The following TAF11 variants were observed in gnomAD, a reference collection of about 807,000 sequenced individuals.
The protein encoded by TAF11 is TATA-box binding protein associated factor 11, also known as transcription initiation factor TFIID subunit 11.
TAF11 carries 10 observed loss-of-function variants against 23.0 expected under a neutral mutation model. The ratio of observed to expected loss-of-function variants is 0.43; its 90% CI spans 0.27 to 0.74. TAF11 has a LOEUF of 0.74. Among genes scored for constraint, TAF11 ranks in the 30% least tolerant of loss-of-function variants. TAF11 has a pLI of 0.19. For missense variants in TAF11, 196 were observed against 261.7 expected, an observed-to-expected ratio of 0.75 and a Z score of 1.73; for synonymous variants, 85 against 95.8, an observed-to-expected ratio of 0.89 and a Z score of 0.66.
At chr6:34,887,727 A>T in intron 1 of TAF11, 60 bp downstream of exon 1, 1 of 1,605,192 alleles carries the variant, frequency 6.2e-7, no homozygotes, top group Non-Finnish European at 8.5e-7. Flanking sequence ...AAGCCCGGCG[A>T]GCAGCCAGTA....
chr6:34,882,175 TAA>T (rs1184978195), intron 2 of TAF11, among the ~76,000 whole-genome samples: 2 of 145,758 alleles, frequency 1.4e-5, no homozygotes, highest in Non-Finnish European at 3.0e-5. Context: ...CTGTATCTAC[TAA>T]AAATACAAAA....
chr6:34,887,879 C>T lies in TAF11; in HGVS notation c.79G>A (p.Asp27Asn), dbSNP rs766713439. 9.9e-6 allele frequency: 16 copies of T among 1,614,058 alleles called. No individual in the cohort carries two copies. Among genetic ancestry groups the T allele is most frequent in the Non-Finnish European group, 8.5e-7 (1 of 1,180,042 alleles). ...CCATCGGTGTCGGTAGCCCCCGGGT[C>T]CCCGGGCACAGCGGCCGTCTCATCC... Reference protein sequence around the residue: ...ESDETAAVPGDPGATDTDGIP... With the variant: ...ESDETAAVPGNPGATDTDGIP... Residue 27 changes from aspartate (D) to asparagine (N), a missense_variant, in exon 1 of 5, where the codon GAC (aspartate) becomes AAC (asparagine). By Grantham distance (23) the Asp-to-Asn change is conservative. Transcript: ENST00000361288.
At chr6:34,882,480 C>T (rs756814229) in intron 2 of TAF11, among the ~76,000 whole-genome samples, 6 of 151,578 alleles carry the variant, frequency 4.0e-5, no homozygotes, top group Non-Finnish European at 7.4e-5. Context: ...CCTGTCTCTA[C>T]TAAAAATACA....
In TAF11 at chr6:34,880,276, G is replaced by A. The variant is rs963906755; in HGVS notation, c.408+13C>T. 71 of 1,613,294 alleles carry A rather than the reference G, an allele frequency of 4.4e-5. No homozygotes were observed. Among genetic ancestry groups the A allele is most frequent in the Non-Finnish European group, 5.3e-5 (62 of 1,179,432 alleles). ...AAACGTGATGGAGATGAAGTGTGGT[G>A]GTCCATCCTTACCCTTTTGATGGCT... On this transcript the variant is annotated intron_variant, in intron 3 of 4. Transcript: ENST00000361288. This position sits in a 1 kb window ranked among gnomAD's most constrained non-coding sequence, Gnocchi z 4.8.
Position 34,878,598 on chromosome 6 carries a change from A to T in TAF11, c.628T>A (p.Phe210Ile). 3 of 1,561,604 alleles carry T rather than the reference A, an allele frequency of 1.9e-6. No individual in the cohort carries two copies. Among genetic ancestry groups the T allele is most frequent in the South Asian group, 1.1e-5 (1 of 89,996 alleles). ...CCTTTCTAGACTTTGGTCTAGAAGA[A>T]GATGATTTTTTTGTGCTTCGAGTTA... ...IPNSKHKKII[F>I]F Residue 210 changes from phenylalanine to isoleucine, a missense_variant, in exon 5 of 5, where the codon TTC (phenylalanine) becomes ATC (isoleucine). Phe to Ile is a conservative substitution (Grantham distance 21). Transcript: ENST00000361288.
intron 2 of TAF11, among the ~76,000 whole-genome samples, chr6:34,882,034 T>A (rs904758673): frequency 1.3e-5 from 2 of 151,340 alleles, no homozygotes; most frequent in South Asian, 4.2e-4. Context: ...TGCTGTAACA[T>A]AATTATTTGA....
At position 34,880,454 on chromosome 6, in the gene TAF11, G is replaced by A; in HGVS notation, c.321-78C>T. On this transcript the variant is annotated intron_variant, in intron 2 of 4. Coordinates refer to ENST00000361288, the MANE Select transcript of TAF11 (RefSeq NM_005643.4). The surrounding 1 kb of genome is among the most constrained non-coding windows in gnomAD (Gnocchi z 4.8). ...TATTATGAAGTCAATAAAAGTTTCA[G>A]ACAATTCAAAAACGAATTCTTAAAG... 6.9e-7 allele frequency: 1 copy of A among 1,442,362 alleles called. No individual in the cohort carries two copies. The highest frequency in any genetic ancestry group is 9.6e-7 in the Non-Finnish European group (1 of 1,043,098). 89.3% of individuals were successfully genotyped at this position (1,442,362 alleles called of 1,614,324 possible). A position where few individuals can be genotyped will look rare whatever the true frequency, so the allele number is the denominator to read the frequency against.
intron 4 of TAF11, chr6:34,879,282 C>G: frequency 4.8e-6 from 3 of 627,940 alleles, no homozygotes; most frequent in Non-Finnish European, 6.0e-6. Flanking sequence ...ACTTGGGAGG[C>G]TGAGGCAAGA....
Position 34,880,410 on chromosome 6 carries a change from T to G in TAF11, c.321-34A>C, listed in dbSNP as rs774922441. On this transcript the variant is annotated intron_variant, in intron 2 of 4. Coordinates refer to ENST00000361288, the MANE Select transcript of TAF11 (RefSeq NM_005643.4). The surrounding 1 kb of genome is among the most constrained non-coding windows in gnomAD (Gnocchi z 4.8). Reference sequence around the variant, plus strand: ...AGATCCAGGTAACTAAGTTAACTTATAAGAACGAATACTCAAGATATTATG... The same window carrying G: ...AGATCCAGGTAACTAAGTTAACTTAGAAGAACGAATACTCAAGATATTATG... 8 of 1,581,542 alleles carry G rather than the reference T, an allele frequency of 5.1e-6. No homozygotes were observed. In the Admixed American group the frequency reaches 1.2e-4, roughly 23 times the overall value.
intron 1 of TAF11, among the ~76,000 whole-genome samples, chr6:34,883,607 C>T (rs949189489): frequency 6.6e-6 from 1 of 152,192 alleles, no homozygotes; most frequent in Non-Finnish European, 1.5e-5. Context: ...ATTCTTCAAT[C>T]CTACTGTTTC....
chr6:34,878,858 A>G (rs1448369010), intron 4 of TAF11, 138 bp from the exon 5 acceptor site: 1 of 721,964 alleles, frequency 1.4e-6, no homozygotes, highest in Admixed American at 2.7e-5. Flanking sequence ...TTTTTAAGAG[A>G]ATATTAGTAT....
intron 4 of TAF11, 134 bp downstream of exon 4, chr6:34,879,833 G>A: frequency 6.9e-7 from 1 of 1,450,476 alleles, no homozygotes; most frequent in Non-Finnish European, 9.1e-7. Context: ...CCTAAATAAA[G>A]GGCTCCCCAC....
intron 1 of TAF11, 146 bp from the exon 2 acceptor site, chr6:34,883,226 T>A: frequency 4.2e-6 from 3 of 708,304 alleles, no homozygotes; most frequent in Non-Finnish European, 6.8e-6. Context: ...CCATCAAGGA[T>A]AAGATACAGT....
chr6:34,882,634 A>G (rs9469923), intron 2 of TAF11, among the ~76,000 whole-genome samples: 21,396 of 150,088 alleles, frequency 0.14, 3,083 homozygotes, highest in African/African-American at 0.38. Context: ...ACACAGTGAG[A>G]CTCTATCTCA....
At chr6:34,887,229 G>A (rs935481151) in intron 1 of TAF11, among the ~76,000 whole-genome samples, 1 of 152,146 alleles carries the variant, frequency 6.6e-6, no homozygotes, top group African/African-American at 2.4e-5. Context: ...GTGAACCCAG[G>A]AGGCGCAGGT....
chr6:34,882,487 T>C lies in TAF11; in HGVS notation c.320+445A>G, dbSNP rs555328916. Reference sequence around the variant, plus strand: ...AGTGAAACCCTGTCTCTACTAAAAATACAAAAATTAGCTGGGCATGGCGGT... The same window carrying C: ...AGTGAAACCCTGTCTCTACTAAAAACACAAAAATTAGCTGGGCATGGCGGT... On this transcript the variant is annotated intron_variant, in intron 2 of 4. Transcript: ENST00000361288. Among the ~76,000 whole-genome samples the C allele has an allele frequency of 2.8e-4, 42 of 150,786 alleles. No homozygotes were observed. The South Asian group carries it at 7.8e-3, about 28-fold the overall frequency.
At chr6:34,883,268 A>G in intron 1 of TAF11, 188 bp from the exon 2 acceptor site, 1 of 519,160 alleles carries the variant, frequency 1.9e-6, no homozygotes, top group Non-Finnish European at 3.2e-6. Context: ...TGGCTCAGCT[A>G]TGGAAAGAAA....
rs368484454 is a variant in TAF11 at position 34,887,982 on chromosome 6, G to A, written c.-25C>T. On this transcript the variant is annotated 5_prime_UTR_variant, in exon 1 of 5. Coordinates refer to ENST00000361288, the MANE Select transcript of TAF11 (RefSeq NM_005643.4). ...TCACGGATAGGATTGGAGGGGAGAG[G>A]AGATCGCGGAGATGCCTGAGGCAGA... The A allele has an allele frequency of 1.0e-4, 166 of 1,612,626 alleles. No homozygotes were observed. The highest frequency in any genetic ancestry group is 1.3e-4 in the Non-Finnish European group (153 of 1,179,164).
At position 34,880,257 on chromosome 6, in the gene TAF11, G is replaced by T; in HGVS notation, c.408+32C>A. 6.2e-7 allele frequency: 1 copy of T among 1,608,976 alleles called. No individual in the cohort carries two copies. Among genetic ancestry groups the T allele is most frequent in the South Asian group, 1.1e-5 (1 of 90,776 alleles). ...GCTCTTGAGTTCAGTTCTAAAACGT[G>T]ATGGAGATGAAGTGTGGTGGTCCAT... On this transcript the variant is annotated intron_variant, in intron 3 of 4. Coordinates refer to ENST00000361288, the MANE Select transcript of TAF11 (RefSeq NM_005643.4). This position sits in a 1 kb window ranked among gnomAD's most constrained non-coding sequence, Gnocchi z 4.8.
Sources: gnomAD v4.1 joint callset for allele counts (sites outside exome capture counted in the v4.1 genomes callset) on GRCh38, gnomAD v4.1.1 for gene constraint, Gnocchi (gnomAD v3.1) non-coding constraint, MANE v1.5 for transcripts, NCBI Gene and HGNC (gene_info 2026-07-23, HGNC 2026-07-21) for gene names.